MYO5B: variants seen among roughly 807,000 people sequenced by gnomAD.
MYO5B encodes unconventional myosin-Vb.
A neutral mutation model predicts 229.3 loss-of-function variants in MYO5B; 143 were observed. The observed-to-expected ratio is 0.62, with a 90% CI of 0.54 to 0.72. MYO5B has a LOEUF of 0.72. Among genes scored for constraint, MYO5B ranks in the 30% least tolerant of loss-of-function variants. The pLI, the probability that MYO5B is intolerant of heterozygous loss-of-function variation, is 0.00. For missense variants in MYO5B, 2,321 were observed against 2,331.0 expected, an observed-to-expected ratio of 1.00 and a Z score of 0.09; for synonymous variants, 918 against 885.2, an observed-to-expected ratio of 1.04 and a Z score of -0.66.
intron 2 of MYO5B, among the ~76,000 whole-genome samples, chr18:50,050,888 T>C (rs1489899502): frequency 6.6e-6 from 1 of 152,230 alleles, no homozygotes; most frequent in Non-Finnish European, 1.5e-5. Context: ...TAATGGATTA[T>C]CATTTTCCAA....
chr18:50,015,335 T>G (rs2026205031), intron 4 of MYO5B, among the ~76,000 whole-genome samples: 1 of 152,210 alleles, frequency 6.6e-6, no homozygotes, highest in Admixed American at 6.5e-5. Flanking sequence ...TGACCACTCC[T>G]TTGGCTGGGT....
chr18:50,026,017 T>TA (rs1422674189), intron 4 of MYO5B, among the ~76,000 whole-genome samples: 7 of 152,174 alleles, frequency 4.6e-5, no homozygotes, highest in Non-Finnish European at 1.5e-5. Flanking sequence ...TAAAAAGATG[T>TA]AAAAAAATAA....
intron 17 of MYO5B, among the ~76,000 whole-genome samples, chr18:49,920,125 G>C (rs1260085493): frequency 6.6e-6 from 1 of 152,188 alleles, no homozygotes; most frequent in African/African-American, 2.4e-5. Flanking sequence ...TATAGAAATA[G>C]AAAGTAGGTT....
chr18:49,927,432 CA>C (rs1233368236), intron 17 of MYO5B, among the ~76,000 whole-genome samples: 1 of 137,580 alleles, frequency 7.3e-6, no homozygotes, highest in Non-Finnish European at 1.5e-5. Context: ...CTAGCAAAAA[CA>C]AAAAAACAAA....
chr18:49,856,170 C>G (rs1336851432), intron 30 of MYO5B, among the ~76,000 whole-genome samples: 1 of 152,236 alleles, frequency 6.6e-6, no homozygotes, highest in Non-Finnish European at 1.5e-5. Flanking sequence ...TCAGCTGGAA[C>G]CAGGTTCAAA....
intron 29 of MYO5B, among the ~76,000 whole-genome samples, chr18:49,857,598 C>G (rs1470776940): frequency 6.6e-6 from 1 of 152,224 alleles, no homozygotes; most frequent in Admixed American, 6.5e-5. Flanking sequence ...TAGATGAGAA[C>G]TGAATGATGT....
At chr18:49,921,262 T>G (rs1054891484) in intron 17 of MYO5B, among the ~76,000 whole-genome samples, 2 of 148,746 alleles carry the variant, frequency 1.3e-5, no homozygotes, top group South Asian at 2.2e-4. Flanking sequence ...CAGAGTTTTT[T>G]TTTTTTTTTT....
At chr18:49,991,288 TG>T (rs1177890746) in intron 6 of MYO5B, among the ~76,000 whole-genome samples, 1 of 152,164 alleles carries the variant, frequency 6.6e-6, no homozygotes, top group Non-Finnish European at 1.5e-5. Flanking sequence ...AGCATGGAGA[TG>T]TCACCAAGAA....
At chr18:49,879,140 A>T in intron 23 of MYO5B, 50 bp from the exon 24 acceptor site, 1 of 1,612,376 alleles carries the variant, frequency 6.2e-7, no homozygotes, top group Non-Finnish European at 8.5e-7. Context: ...ATTCCCTCAC[A>T]TGTATTGACT....
chr18:49,942,396 A>ACC (rs71169460), intron 14 of MYO5B, among the ~76,000 whole-genome samples: 2 of 134,054 alleles, frequency 1.5e-5, no homozygotes, highest in African/African-American at 5.8e-5. Context: ...AAAAAAAAAA[A>ACC]AAAAAAAAAC....
At position 49,902,776 on chromosome 18, in the gene MYO5B, G is replaced by T; in HGVS notation, c.2629C>A (p.Arg877Ser). The T allele has an allele frequency of 1.2e-6, 2 of 1,604,556 alleles. No individual in the cohort carries two copies. The highest frequency in any genetic ancestry group is 1.7e-6 in the Non-Finnish European group (2 of 1,179,974). The change falls in exon 21 of 40, where the codon CGC (arginine) becomes AGC (serine). Residue 877 changes from arginine (R) to serine (S), a missense_variant. This residue lies in a region of MYO5B where 2,113 missense variants were observed against 2,044.7 expected (regional missense o/e 1.03). Transcript: ENST00000285039. ...IQKHVRGWMA[R>S]RHFQRLRDAA... ...TCCCGCAGCCGCTGGAAGTGCCTGC[G>T]TGCCATCCAGCCCCGCACGTGCTTC...
intron 2 of MYO5B, among the ~76,000 whole-genome samples, chr18:50,054,128 G>C (rs1005449051): frequency 1.6e-4 from 24 of 152,154 alleles, no homozygotes; most frequent in African/African-American, 5.8e-4. Flanking sequence ...TGGAACACAA[G>C]AAGGTCTCAG....
intron 23 of MYO5B, among the ~76,000 whole-genome samples, chr18:49,880,020 A>G (rs1358154686): frequency 6.6e-6 from 1 of 152,170 alleles, no homozygotes; most frequent in East Asian, 1.9e-4. Context: ...CATTCCTCCC[A>G]TGAGCCCCCC....
intron 1 of MYO5B, among the ~76,000 whole-genome samples, chr18:50,163,387 TC>T (rs33969313): frequency 0.44 from 67,471 of 151,966 alleles, 15,144 homozygotes; most frequent in Admixed American, 0.52. Flanking sequence ...GTTCCAGTTT[TC>T]CCCTCCATCA....
chr18:50,025,606 C>T (rs1306774029), intron 4 of MYO5B, among the ~76,000 whole-genome samples: 2 of 152,162 alleles, frequency 1.3e-5, no homozygotes, highest in Non-Finnish European at 2.9e-5. Flanking sequence ...TTATTATATC[C>T]TAATAGAATC....
chr18:49,967,692 T>C (rs1328039161), intron 10 of MYO5B, among the ~76,000 whole-genome samples: 1 of 152,152 alleles, frequency 6.6e-6, no homozygotes, highest in East Asian at 1.9e-4. Context: ...AAGGTCCCTT[T>C]CCATCTTGAA....
At chr18:50,193,774 G>A (rs1310069565) in intron 1 of MYO5B, among the ~76,000 whole-genome samples, 1 of 152,262 alleles carries the variant, frequency 6.6e-6, no homozygotes, top group Admixed American at 6.5e-5. Context: ...GGTGCATAGG[G>A]CACATGTGAA....
chr18:50,071,278 T>C (rs1336885799), intron 1 of MYO5B, among the ~76,000 whole-genome samples: 4 of 152,242 alleles, frequency 2.6e-5, no homozygotes, highest in Non-Finnish European at 5.9e-5. Context: ...TGTTTGTTCA[T>C]GCTTGCCCCA....
chr18:50,118,943 T>C (rs1428225075), intron 1 of MYO5B, among the ~76,000 whole-genome samples: 2 of 152,162 alleles, frequency 1.3e-5, no homozygotes, highest in East Asian at 1.9e-4. Context: ...TATAACCAAC[T>C]GAGAAAACCT....
Sources: gnomAD v4.1 joint callset for allele counts (sites outside exome capture counted in the v4.1 genomes callset) on GRCh38, gnomAD v4.1.1 for gene constraint, gnomAD v4.1.1 regional missense constraint, MANE v1.5 for transcripts, NCBI Gene and HGNC (gene_info 2026-07-23, HGNC 2026-07-21) for gene names.